The following DNASE1 variants were observed in gnomAD, a reference collection of about 807,000 sequenced individuals.
The protein encoded by DNASE1 is deoxyribonuclease-1.
In DNASE1, 40 loss-of-function variants were observed where a neutral mutation model predicts 33.9. The ratio of observed to expected loss-of-function variants is 1.18; its 90% CI spans 0.92 to 1.54. DNASE1 has a LOEUF of 1.54. DNASE1 is among the 40% of genes most tolerant of loss of function. DNASE1 has a pLI of 0.00. For missense variants in DNASE1, 518 were observed against 372.6 expected (o/e 1.39, Z -3.21); for synonymous variants, 216 against 160.0 (o/e 1.35, Z -2.64).
chr16:3,657,993 G>A lies in DNASE1; in HGVS notation c.*40G>A, dbSNP rs781270410. On this transcript the variant is annotated 3_prime_UTR_variant, in exon 9 of 9. Coordinates refer to ENST00000246949, the MANE Select transcript of DNASE1 (RefSeq NM_005223.4). The stretch of plus-strand genomic sequence containing the variant: ...CACCAGTTGAACTGCAGGAAGAGAG[G>A]ACCCATCCTGCCACAGGACCCAGAA... 1.9e-6 allele frequency: 3 copies of A among 1,611,604 alleles called. No homozygotes were observed. Among genetic ancestry groups the A allele is most frequent in the South Asian group, 2.2e-5 (2 of 90,924 alleles).
exon 10 of DNASE1, chr16:3,664,207 G>A: frequency 6.9e-7 from 1 of 1,447,444 alleles, no homozygotes. Context: ...CCAGCACAGA[G>A]CTGAGAAGGT....
chr16:3,641,489 G>A (rs1162036651), upstream of DNASE1, among the ~76,000 whole-genome samples: 1 of 152,148 alleles, frequency 6.6e-6, no homozygotes, highest in African/African-American at 2.4e-5. Flanking sequence ...GGCAGGGTGA[G>A]GGACAGCATC....
chr16:3,650,597 G>C (rs2042301676), upstream of DNASE1: 1 of 125,604 alleles, frequency 8.0e-6, no homozygotes, highest in Non-Finnish European at 1.7e-5. Flanking sequence ...AGATTATATG[G>C]TCATTCAAAA....
At chr16:3,663,944 T>A (rs545037585) in exon 10 of DNASE1, 1 of 345,006 alleles carries the variant, frequency 2.9e-6, no homozygotes, top group African/African-American at 2.1e-5. Context: ...GCACCTGTAG[T>A]CCCAGCTACT....
In DNASE1 at chr16:3,657,785, T is replaced by G; in HGVS notation, c.770T>G (p.Phe257Cys). 6.2e-7 allele frequency: 1 copy of G among 1,614,016 alleles called. No homozygotes were observed. Among genetic ancestry groups the G allele is most frequent in the Middle Eastern group, 1.7e-4 (1 of 6,060 alleles). ...VVPDSALPFN[F>C]QAAYGLSDQL... ...CCCGACTCGGCTCTTCCCTTTAACT[T>G]CCAGGCTGCCTATGGCCTGAGTGAC... Residue 257 changes from phenylalanine (F) to cysteine (C), a missense_variant, in exon 8 of 9, where the codon TTC (phenylalanine) becomes TGC (cysteine). Transcript: ENST00000246949.
downstream of DNASE1, chr16:3,663,037 A>G: frequency 7.8e-7 from 1 of 1,279,702 alleles, no homozygotes; most frequent in Admixed American, 2.2e-5. Context: ...GGGGCCACGC[A>G]GCATGCTTCC....
At position 3,655,945 on chromosome 16, in the gene DNASE1, A is replaced by T. The variant is rs1244365776; in HGVS notation, c.236+8A>T. ...GCTGGACAACCTCAATCAGTGGGTG[A>T]CAGTGGCAGGGTCATAGGAAGGTGA... On this transcript the variant is annotated splice_region_variant and intron_variant, in intron 3 of 8. Coordinates refer to ENST00000246949, the MANE Select transcript of DNASE1 (RefSeq NM_005223.4). 1 of 1,613,670 alleles carries T rather than the reference A, an allele frequency of 6.2e-7. No individual in the cohort carries two copies. The highest frequency in any genetic ancestry group is 1.7e-5 in the Admixed American group (1 of 59,998).
At chr16:3,638,766 T>G (rs1258844970), upstream of DNASE1, among the ~76,000 whole-genome samples, 1 of 152,262 alleles carries the variant, frequency 6.6e-6, no homozygotes, top group Non-Finnish European at 1.5e-5. Flanking sequence ...TCCAATTATG[T>G]GCACATTAGA....
chr16:3,663,277 C>T, exon 10 of DNASE1: 1 of 1,054,308 alleles, frequency 9.5e-7, no homozygotes, highest in Middle Eastern at 3.0e-4. Context: ...TTCCTCCAGT[C>T]ACCAGGGTGC....
exon 10 of DNASE1, chr16:3,664,590 T>G (rs539345448): frequency 2.1e-6 from 2 of 969,294 alleles, no homozygotes; most frequent in African/African-American, 1.7e-5. Flanking sequence ...CGAGGGACGG[T>G]AGTGGACTCG....
chr16:3,658,728 C>T (rs1259313557), downstream of DNASE1: 1 of 1,509,728 alleles, frequency 6.6e-7, no homozygotes, highest in Non-Finnish European at 9.1e-7. Flanking sequence ...CTGTTCCACC[C>T]TGAAGGCAGG....
At chr16:3,636,916 G>C (rs1197413731) in intron 1 of DNASE1, among the ~76,000 whole-genome samples, 1 of 151,782 alleles carries the variant, frequency 6.6e-6, no homozygotes, top group Non-Finnish European at 1.5e-5. Context: ...TTGAGGTCAG[G>C]AGTTCGAGAC....
downstream of DNASE1, chr16:3,661,490 A>G (rs530467656): frequency 6.5e-6 from 1 of 152,776 alleles, no homozygotes; most frequent in African/African-American, 2.4e-5. Context: ...CTGGCTCTCC[A>G]CAACTTCTGA....
chr16:3,634,032 G>T (rs141705134), intron 1 of DNASE1, among the ~76,000 whole-genome samples: 1 of 151,528 alleles, frequency 6.6e-6, no homozygotes, highest in Non-Finnish European at 1.5e-5. Flanking sequence ...GGATGGTCTC[G>T]ATCTCCTGAC....
At chr16:3,655,213 G>GTTTGGCTT (rs1269715692) in intron 1 of DNASE1, among the ~76,000 whole-genome samples, 160 bp from the exon 2 acceptor site, 1 of 152,206 alleles carries the variant, frequency 6.6e-6, no homozygotes, top group Non-Finnish European at 1.5e-5. Flanking sequence ...GGTGCCAGCT[G>GTTTGGCTT]TTTGGCTTTC....
intron 1 of DNASE1, among the ~76,000 whole-genome samples, chr16:3,622,437 C>T (rs1022057527): frequency 1.3e-5 from 2 of 152,012 alleles, no homozygotes; most frequent in African/African-American, 4.8e-5. Flanking sequence ...TTACCTATGA[C>T]CTTATGTTTG....
At chr16:3,635,786 G>A (rs549785562) in intron 1 of DNASE1, among the ~76,000 whole-genome samples, 3 of 151,180 alleles carry the variant, frequency 2.0e-5, no homozygotes, top group African/African-American at 7.3e-5. Flanking sequence ...GAAGTGTGAT[G>A]TAATTCTTAT....
chr16:3,618,130 CAA>C (rs903113512), intron 1 of DNASE1, among the ~76,000 whole-genome samples: 27 of 148,666 alleles, frequency 1.8e-4, no homozygotes, highest in African/African-American at 6.7e-4. Flanking sequence ...ATAGACATTC[CAA>C]AGAGTGGCAG....
At chr16:3,619,641 A>C (rs180792541) in intron 1 of DNASE1, among the ~76,000 whole-genome samples, 1 of 151,806 alleles carries the variant, frequency 6.6e-6, no homozygotes, top group African/African-American at 2.4e-5. Context: ...GATTACAGGC[A>C]TGAGCCACTG....
Sources: gnomAD v4.1 joint callset for allele counts (sites outside exome capture counted in the v4.1 genomes callset) on GRCh38, gnomAD v4.1.1 for gene constraint, MANE v1.5 for transcripts, NCBI Gene and HGNC (gene_info 2026-07-23, HGNC 2026-07-21) for gene names.